Variants in TMPRSS9 observed in about 807,000 individuals in gnomAD.
The protein encoded by TMPRSS9 is transmembrane protease serine 9.
A neutral mutation model predicts 111.4 loss-of-function variants in TMPRSS9; 113 were observed. The ratio of observed to expected loss-of-function variants is 1.01; its 90% CI spans 0.87 to 1.19. The LOEUF (loss-of-function observed/expected upper bound fraction) is 1.19, where lower values mean the gene tolerates loss of function less well. Among genes scored for constraint, TMPRSS9 ranks in the 50% most tolerant of loss-of-function variants. The probability of loss-of-function intolerance (pLI) is 0.00; values close to 1 mark genes in which losing one functional copy is unlikely to be tolerated. For missense variants in TMPRSS9, 1,803 were observed against 1,513.1 expected, an observed-to-expected ratio of 1.19 and a Z score of -3.18; for synonymous variants, 805 against 659.1, an observed-to-expected ratio of 1.22 and a Z score of -3.39.
chr19:2,395,401 C>G (rs1970685409), intron 1 of TMPRSS9, among the ~76,000 whole-genome samples: 1 of 151,952 alleles, frequency 6.6e-6, no homozygotes, highest in South Asian at 2.1e-4. Flanking sequence ...CCACTGCACT[C>G]CAGCCTGGGT....
At chr19:2,369,444 G>A (rs1301257726) in intron 1 of TMPRSS9, among the ~76,000 whole-genome samples, 1 of 151,774 alleles carries the variant, frequency 6.6e-6, no homozygotes, top group African/African-American at 2.4e-5. Flanking sequence ...TTTAAGACAG[G>A]GTCTTGCTCT....
chr19:2,415,425 C>T (rs1030829921), intron 10 of TMPRSS9, among the ~76,000 whole-genome samples: 16 of 152,060 alleles, frequency 1.1e-4, no homozygotes, highest in African/African-American at 2.4e-4. Flanking sequence ...GGGGGGTCCT[C>T]GGGCTGACTG....
intron 12 of TMPRSS9, among the ~76,000 whole-genome samples, chr19:2,417,389 C>T (rs1230834100): frequency 6.6e-6 from 1 of 151,140 alleles, no homozygotes; most frequent in African/African-American, 2.4e-5. Context: ...TTGCTTGAAT[C>T]TGGGAGGCAG....
chr19:2,387,518 AGGAAAGGAAGGGAAG>A (rs535723808), upstream of TMPRSS9, among the ~76,000 whole-genome samples: 9,387 of 150,268 alleles, frequency 0.062, 910 homozygotes, highest in African/African-American at 0.21. Flanking sequence ...AGGAAAGGAA[AGGAAAGGAAGGGAAG>A]GGAAAGGAAG....
rs144797128 is a variant in TMPRSS9 at position 2,413,786 on chromosome 19, G to A, written c.1341G>A (p.Ala447=). The A allele has an allele frequency of 1.2e-4, 192 of 1,613,856 alleles. No homozygotes were observed. In the African/African-American group the frequency reaches 1.8e-3, roughly 15 times the overall value. The change falls in exon 10 of 18, where the codon GCG becomes GCA. Residue 447 remains alanine, a synonymous_variant. Coordinates refer to ENST00000648592, the Ensembl canonical transcript of TMPRSS9. ...TCGTGAGCTGGGGAATCGGGTGTGC[G>A]GAAGCCCGGCGTCCAGGGGTCTATG... is the stretch of plus-strand genomic sequence containing the variant.
At chr19:2,373,585 G>C (rs79884320) in intron 1 of TMPRSS9, among the ~76,000 whole-genome samples, 1 of 115,504 alleles carries the variant, frequency 8.7e-6, no homozygotes. Context: ...GGGTGGTCTC[G>C]AACTCCTGAC....
At chr19:2,421,987 G>C in exon 14 of TMPRSS9, 1 of 1,613,138 alleles carries the variant, frequency 6.2e-7, no homozygotes, top group Non-Finnish European at 8.5e-7. Context: ...AGGCTAAAGG[G>C]CTGGATCCTG....
upstream of TMPRSS9, among the ~76,000 whole-genome samples, chr19:2,385,813 T>C (rs1370139547): frequency 6.6e-6 from 1 of 152,144 alleles, no homozygotes; most frequent in Non-Finnish European, 1.5e-5. Flanking sequence ...ATAGCACCAC[T>C]GCATTCCAGC....
intron 1 of TMPRSS9, among the ~76,000 whole-genome samples, chr19:2,394,800 G>C (rs1160380261): frequency 1.3e-5 from 2 of 151,410 alleles, no homozygotes; most frequent in African/African-American, 2.4e-5. Flanking sequence ...TTTTTGCGCT[G>C]GTGTGCACTT....
exon 6 of TMPRSS9, chr19:2,403,149 T>C (rs929775269): frequency 3.7e-6 from 6 of 1,612,422 alleles, no homozygotes; most frequent in African/African-American, 2.7e-5. Context: ...ACCCGGAGTG[T>C]GACGACCAGG....
intron 4 of TMPRSS9, among the ~76,000 whole-genome samples, chr19:2,400,541 C>A (rs1599294936): frequency 6.7e-6 from 1 of 149,732 alleles, no homozygotes; most frequent in Non-Finnish European, 1.5e-5. Context: ...GACTCCATCT[C>A]AAAAAAAAAT....
intron 1 of TMPRSS9, among the ~76,000 whole-genome samples, chr19:2,364,579 G>GA (rs796952775): frequency 1.9e-4 from 29 of 148,778 alleles, no homozygotes; most frequent in African/African-American, 3.9e-4. Context: ...TTACCTTTAT[G>GA]AAAAAAAAAA....
intron 1 of TMPRSS9, among the ~76,000 whole-genome samples, chr19:2,382,755 A>T (rs560475419): frequency 6.6e-6 from 1 of 152,098 alleles, no homozygotes; most frequent in African/African-American, 2.4e-5. Flanking sequence ...ACATCCACAC[A>T]TACACAGATG....
At chr19:2,420,270 C>T (rs1971432946) in intron 13 of TMPRSS9, among the ~76,000 whole-genome samples, 1 of 152,012 alleles carries the variant, frequency 6.6e-6, no homozygotes, top group African/African-American at 2.4e-5. Flanking sequence ...GAAACCCTGT[C>T]TCTACTAAAA....
intron 1 of TMPRSS9, among the ~76,000 whole-genome samples, chr19:2,363,325 G>T (rs1347810357): frequency 6.6e-6 from 1 of 152,214 alleles, no homozygotes; most frequent in Non-Finnish European, 1.5e-5. Context: ...TGTCCGCGGG[G>T]CGAGAGCTTG....
intron 1 of TMPRSS9, among the ~76,000 whole-genome samples, chr19:2,360,921 G>A (rs1441483920): frequency 1.3e-5 from 2 of 151,018 alleles, no homozygotes; most frequent in South Asian, 2.1e-4. Flanking sequence ...GGATTGTGTG[G>A]ATGCAGCTGA....
exon 14 of TMPRSS9, chr19:2,422,225 C>T (rs770762744): frequency 3.3e-6 from 5 of 1,513,682 alleles, no homozygotes; most frequent in Admixed American, 2.2e-5. Flanking sequence ...CCCCGGAGGC[C>T]ACCACACACA....
intron 1 of TMPRSS9, among the ~76,000 whole-genome samples, chr19:2,371,713 G>GAA (rs367698324): frequency 2.3e-5 from 3 of 131,008 alleles, no homozygotes; most frequent in African/African-American, 9.1e-5. Flanking sequence ...ACAAAACCAA[G>GAA]AAAAAAAAAA....
intron 1 of TMPRSS9, among the ~76,000 whole-genome samples, chr19:2,370,083 C>T (rs1784739543): frequency 6.6e-6 from 1 of 152,056 alleles, no homozygotes; most frequent in Non-Finnish European, 1.5e-5. Context: ...TGGCGGGCAC[C>T]AGTGTAATCC....
Sources: gnomAD v4.1 joint callset for allele counts (sites outside exome capture counted in the v4.1 genomes callset) on GRCh38, gnomAD v4.1.1 for gene constraint, MANE v1.5 for transcripts, NCBI Gene and HGNC (gene_info 2026-07-23, HGNC 2026-07-21) for gene names.